Variants in MAST4 observed in about 807,000 individuals in gnomAD.
The protein encoded by MAST4 is microtubule associated serine/threonine kinase family member 4.
Under a neutral mutation model 162.7 loss-of-function variants are expected in MAST4, and 89 were observed. The observed-to-expected ratio is 0.55, with a 90% CI of 0.46 to 0.65. MAST4 has a LOEUF of 0.65. MAST4 is among the 30% of genes least tolerant of loss of function. MAST4 has a pLI of 0.00. For synonymous variants in MAST4, 1,479 were observed against 1,361.1 expected (o/e 1.09, Z -1.91); for missense variants, 3,153 against 3,374.0 (o/e 0.93, Z 1.62).
At chr5:66,818,110 G>T (rs1363643842) in intron 3 of MAST4, among the ~76,000 whole-genome samples, 1 of 152,102 alleles carries the variant, frequency 6.6e-6, no homozygotes, top group Non-Finnish European at 1.5e-5. Context: ...ACATAAGAGT[G>T]CATGTACATT....
Position 66,973,599 on chromosome 5 carries a change from G to C in MAST4, c.674+73617G>C, listed in dbSNP as rs143124109. Reference sequence around the variant, plus strand: ...GGTGACTATGCCTTTACCTTATTAAGTAATCTCTGGGGTAAAATTTTTAGT... The same window carrying C: ...GGTGACTATGCCTTTACCTTATTAACTAATCTCTGGGGTAAAATTTTTAGT... On this transcript the variant is annotated intron_variant, in intron 4 of 28. Coordinates refer to ENST00000403625, the MANE Select transcript of MAST4 (RefSeq NM_001164664.2). Among the ~76,000 whole-genome samples, 411 of 152,210 alleles carry C rather than the reference G, an allele frequency of 2.7e-3. 3 individuals are homozygous for C. The highest frequency in any genetic ancestry group is 9.6e-3 in the African/African-American group (397 of 41,546).
intron 2 of MAST4, among the ~76,000 whole-genome samples, chr5:66,778,775 A>T (rs1206156824): frequency 6.6e-6 from 1 of 152,196 alleles, no homozygotes; most frequent in East Asian, 1.9e-4. Context: ...TTAACACTGC[A>T]GCTCTGGTTC....
chr5:66,786,689 A>G (rs1174389723), intron 2 of MAST4, among the ~76,000 whole-genome samples: 1 of 152,142 alleles, frequency 6.6e-6, no homozygotes, highest in Non-Finnish European at 1.5e-5. Flanking sequence ...CGATTTCTCA[A>G]AGCCGTTCTT....
In MAST4 at chr5:67,078,916, ATATATATATATATATATAT is replaced by A. The variant is rs1762186069; in HGVS notation, c.764-11245_764-11227del. ...TATTTATATATTTTTATATAAATAT[ATATATATATATATATATAT>A]ATATATATATATATATGGCAATCTG... is the stretch of plus-strand genomic sequence containing the variant. On this transcript the variant is annotated intron_variant, in intron 5 of 28. Transcript: ENST00000403625. 1.8e-4 allele frequency among the ~76,000 whole-genome samples: 12 copies of A among 65,684 alleles called. 1 individual carries two copies. The highest frequency in any genetic ancestry group is 7.6e-3 in the Middle Eastern group (1 of 132). 43.1% of individuals were successfully genotyped at this position (65,684 alleles called of 152,430 possible). A position where few individuals can be genotyped will look rare whatever the true frequency, so the allele number is the denominator to read the frequency against.
At chr5:66,634,592 T>C (rs750384398) in intron 1 of MAST4, among the ~76,000 whole-genome samples, 6 of 152,186 alleles carry the variant, frequency 3.9e-5, no homozygotes, top group Non-Finnish European at 8.8e-5. Context: ...TAGAAAAAAA[T>C]GCCCCCCTTT....
Position 66,596,417 on chromosome 5 carries a change from C to T in MAST4, c.-239C>T, listed in dbSNP as rs909751881. 2.7e-5 allele frequency: 11 copies of T among 407,464 alleles called. No homozygotes were observed. Among genetic ancestry groups the T allele is most frequent in the South Asian group, 2.4e-4 (2 of 8,470 alleles). The allele number at this position is 407,464 out of a possible 1,614,324, so 25.2% of individuals were successfully genotyped here. On this transcript the variant is annotated 5_prime_UTR_variant, in exon 1 of 29. Transcript: ENST00000403625. ...CACAGTGGAGCGCAGATCGCGGACC[C>T]GAGCGGGCATGTCCCCGCGCGCGGG...
intron 3 of MAST4, among the ~76,000 whole-genome samples, chr5:66,871,855 A>G (rs1269946974): frequency 2.6e-5 from 4 of 152,170 alleles, no homozygotes; most frequent in African/African-American, 9.7e-5. Context: ...CCTGAGGGTA[A>G]AAGTTGTAGA....
chr5:66,915,861 G>A (rs1764084225), intron 4 of MAST4, among the ~76,000 whole-genome samples: 1 of 152,188 alleles, frequency 6.6e-6, no homozygotes, highest in Non-Finnish European at 1.5e-5. Context: ...AATGGAAGAA[G>A]ACGAAATTTT....
intron 2 of MAST4, among the ~76,000 whole-genome samples, chr5:66,774,496 AT>A: frequency 6.6e-6 from 1 of 152,330 alleles, no homozygotes; most frequent in South Asian, 2.1e-4. Context: ...TTCAGATTCC[AT>A]TCCAAACACC....
intron 3 of MAST4, among the ~76,000 whole-genome samples, chr5:66,837,984 A>G (rs949995104): frequency 6.7e-5 from 10 of 149,772 alleles, no homozygotes; most frequent in Non-Finnish European, 1.0e-4. Context: ...AAATAACAAC[A>G]ATGATAGTAA....
At chr5:66,936,143 A>G (rs1340749915) in intron 4 of MAST4, among the ~76,000 whole-genome samples, 2 of 152,160 alleles carry the variant, frequency 1.3e-5, no homozygotes, top group African/African-American at 4.8e-5. Flanking sequence ...TCTTTGTGTT[A>G]TTCTGGTTTC....
At chr5:67,151,256 T>C (rs1434261601) in intron 24 of MAST4, among the ~76,000 whole-genome samples, 1 of 152,242 alleles carries the variant, frequency 6.6e-6, no homozygotes, top group Non-Finnish European at 1.5e-5. Flanking sequence ...ATCACAGTTC[T>C]AGAGCCTGGG....
intron 1 of MAST4, among the ~76,000 whole-genome samples, chr5:66,658,829 C>T (rs533776063): frequency 4.6e-5 from 7 of 152,100 alleles, no homozygotes; most frequent in African/African-American, 1.4e-4. Flanking sequence ...CCAGACTAGC[C>T]TGAGCAACAT....
intron 4 of MAST4, among the ~76,000 whole-genome samples, chr5:67,033,467 G>T (rs1755633830): frequency 6.6e-6 from 1 of 151,708 alleles, no homozygotes; most frequent in African/African-American, 2.4e-5. Context: ...GCATAGGCAG[G>T]ATTTATATTC....
At position 66,800,266 on chromosome 5, in the gene MAST4, G is replaced by T. The variant is rs138456967; in HGVS notation, c.642+11472G>T. On this transcript the variant is annotated intron_variant, in intron 3 of 28. Transcript: ENST00000403625. Reference sequence around the variant, plus strand: ...ACATGAGTAGAGTTTAAGAGATGATGCCTTTAAAAAATAAAAAGGCATTCT... The same window carrying T: ...ACATGAGTAGAGTTTAAGAGATGATTCCTTTAAAAAATAAAAAGGCATTCT... Among the ~76,000 whole-genome samples the T allele has an allele frequency of 5.7e-3, 873 of 152,234 alleles. 22 individuals carry two copies. The highest frequency in any genetic ancestry group is 0.049 in the East Asian group (252 of 5,180).
intron 4 of MAST4, among the ~76,000 whole-genome samples, chr5:66,908,498 C>T (rs1763531709): frequency 6.6e-6 from 1 of 151,906 alleles, no homozygotes; most frequent in Admixed American, 6.6e-5. Flanking sequence ...AAATGCCATT[C>T]CCAGTTGAGA....
intron 4 of MAST4, among the ~76,000 whole-genome samples, chr5:66,942,808 C>G (rs1230131964): frequency 1.3e-5 from 2 of 152,024 alleles, no homozygotes; most frequent in Non-Finnish European, 2.9e-5. Flanking sequence ...GGTTGACTTT[C>G]TTAGTCCATT....
intron 2 of MAST4, among the ~76,000 whole-genome samples, chr5:66,780,098 A>G (rs956127645): frequency 6.6e-6 from 1 of 152,146 alleles, no homozygotes; most frequent in Non-Finnish European, 1.5e-5. Context: ...AAAATTTACC[A>G]TTTAACTATT....
chr5:67,104,431 A>G lies in MAST4; in HGVS notation c.1212A>G (p.Leu404=). The G allele has an allele frequency of 1.2e-6, 2 of 1,613,904 alleles. No homozygotes were observed. Among genetic ancestry groups the G allele is most frequent in the South Asian group, 2.2e-5 (2 of 91,082 alleles). Residue 404 remains leucine (L), a synonymous_variant, in exon 10 of 29, where the codon CTA becomes CTG. Transcript: ENST00000403625. ...IITSYSPDNV[L]PLADGVLSFT... is the part of the protein sequence containing the mutation. Reference sequence around the variant, plus strand: ...CCAGCTACTCTCCTGACAACGTTCTACCCTTAGCAGATGGAGTGCTTAGTT... The same window carrying G: ...CCAGCTACTCTCCTGACAACGTTCTGCCCTTAGCAGATGGAGTGCTTAGTT...
Sources: gnomAD v4.1 joint callset for allele counts (sites outside exome capture counted in the v4.1 genomes callset) on GRCh38, gnomAD v4.1.1 for gene constraint, MANE v1.5 for transcripts, NCBI Gene and HGNC (gene_info 2026-07-23, HGNC 2026-07-21) for gene names.